VNN2: variants seen among roughly 807,000 people sequenced by gnomAD.
VNN2 encodes the protein vanin 2, also known as pantetheine hydrolase VNN2.
A neutral mutation model predicts 43.0 loss-of-function variants in VNN2; 43 were observed. The ratio of observed to expected loss-of-function variants is 1.00; its 90% CI spans 0.78 to 1.29. The LOEUF is 1.29. Ranked by LOEUF, VNN2 falls within the 50% of genes most tolerant of loss-of-function variation. VNN2 has a pLI of 0.00. For synonymous variants in VNN2, 230 were observed against 224.3 expected (o/e 1.03, Z -0.23); for missense variants, 652 against 619.7 (o/e 1.05, Z -0.55).
At chr6:132,758,019 TTC>T, upstream of VNN2, 1 of 227,846 alleles carries the variant, frequency 4.4e-6, no homozygotes, top group Non-Finnish European at 6.7e-6. Flanking sequence ...CTTCTTCTTC[TTC>T]TTCTTCTTCT....
At chr6:132,747,617 A>AAAT (rs1010636022) in intron 6 of VNN2, among the ~76,000 whole-genome samples, 3 of 152,164 alleles carry the variant, frequency 2.0e-5, no homozygotes, top group Non-Finnish European at 4.4e-5. Flanking sequence ...ACGCCATCTC[A>AAAT]AATAATAATA....
intron 6 of VNN2, among the ~76,000 whole-genome samples, chr6:132,745,849 A>G (rs1779684887): frequency 6.6e-6 from 1 of 152,254 alleles, no homozygotes; most frequent in South Asian, 2.1e-4. Context: ...CAAGAATAAA[A>G]GAAAATGAAC....
At chr6:132,758,882 A>AG (rs36058980), upstream of VNN2, among the ~76,000 whole-genome samples, 5,195 of 152,214 alleles carry the variant, frequency 0.034, 232 homozygotes, top group Admixed American at 0.12. Flanking sequence ...ATCTCAGCTC[A>AG]GGGGCCCCAG....
rs369635580 is a variant in VNN2, at chr6:132,747,218, C to T, written c.1371+2477G>A. ...TTCACAGAATCATTAAAAGTTGAGA[C>T]CTACTGATACCATATTTACCCTAAT... On this transcript the variant is annotated intron_variant, in intron 6 of 6. Transcript: ENST00000326499. Among the ~76,000 whole-genome samples, 12 of 152,232 alleles carry T rather than the reference C, an allele frequency of 7.9e-5. 1 individual carries two copies. The highest frequency in any genetic ancestry group is 5.9e-4 in the Admixed American group (9 of 15,298).
chr6:132,747,421 A>C (rs1213765532), intron 6 of VNN2, among the ~76,000 whole-genome samples: 1 of 152,138 alleles, frequency 6.6e-6, no homozygotes, highest in African/African-American at 2.4e-5. Context: ...GTTCGAGACC[A>C]GCCTGGCCAA....
chr6:132,758,043 T>TC (rs374005582), upstream of VNN2: 282 of 358,226 alleles, frequency 7.9e-4, no homozygotes, highest in African/African-American at 4.6e-3. Context: ...CTTCTTCTTT[T>TC]TTTTTTTTTT....
intron 5 of VNN2, 77 bp from the exon 6 acceptor site, chr6:132,749,942 T>A: frequency 7.5e-7 from 1 of 1,335,168 alleles, no homozygotes; most frequent in Non-Finnish European, 1.0e-6. Flanking sequence ...CCTTAGTTTT[T>A]AACTACAGCG....
At chr6:132,756,089 T>A in intron 2 of VNN2, 54 bp from the exon 3 acceptor site, 1 of 1,449,876 alleles carries the variant, frequency 6.9e-7, no homozygotes, top group African/African-American at 1.4e-5. Flanking sequence ...TTTTAGTCAC[T>A]TTATATGGAA....
chr6:132,755,812 T>G (rs754954905), intron 3 of VNN2, 31 bp downstream of exon 3: 11 of 1,579,458 alleles, frequency 7.0e-6, no homozygotes, highest in Non-Finnish European at 7.8e-6. Flanking sequence ...CACAACACGC[T>G]CCATTTTACA....
Position 132,752,535 on chromosome 6 carries a change from T to A in VNN2, c.752A>T (p.His251Leu). Residue 251 changes from histidine (H) to leucine (L), a missense_variant, in exon 4 of 7, where the codon CAT (histidine) becomes CTT (leucine). By Grantham distance (99) the His-to-Leu change is moderately conservative. Transcript: ENST00000326499. ...TCCCATTCCCATTGCCCAAGCTGAA[T>A]GGAATTCAATAGCTGTCAAAAGGGG... ...VLPLLTAIEF[H>L]SAWAMGMGVN... 6.2e-7 allele frequency: 1 copy of A among 1,614,144 alleles called. No individual in the cohort carries two copies. Among genetic ancestry groups the A allele is most frequent in the Non-Finnish European group, 8.5e-7 (1 of 1,180,026 alleles).
Position 132,752,651 on chromosome 6 carries a change from A to T in VNN2, c.636T>A (p.Phe212Leu). The T allele has an allele frequency of 6.2e-7, 1 of 1,614,190 alleles. No homozygotes were observed. The highest frequency in any genetic ancestry group is 1.1e-5 in the South Asian group (1 of 91,086). Residue 212 changes from phenylalanine (F) to leucine (L), a missense_variant, in exon 4 of 7, where the codon TTT becomes TTA. Phe to Leu is a conservative substitution (Grantham distance 22, BLOSUM62 0). Transcript: ENST00000326499. Reference protein sequence around the residue: ...AFGRFGIFTCFDIFFYDPGVT... With the variant: ...AFGRFGIFTCLDIFFYDPGVT... ...CACCAGGATCATAGAAGAATATATCAAAGCACGTGAAAATGCCAAACCTTC... is the reference window on the plus strand; with the variant it reads ...CACCAGGATCATAGAAGAATATATCTAAGCACGTGAAAATGCCAAACCTTC...
chr6:132,761,992 C>T (rs940691378), upstream of VNN2, among the ~76,000 whole-genome samples: 2 of 152,120 alleles, frequency 1.3e-5, no homozygotes, highest in Non-Finnish European at 2.9e-5. Flanking sequence ...AATATAATAT[C>T]CTGACTGCTT....
In VNN2 at chr6:132,757,648, G is replaced by C. The variant is rs781414773; in HGVS notation, c.213+23C>G. ...CTCCCATGCCCCTCGTGTACATTATGATTAACAGAAATAAGAGAATACCTG... is the reference window on the plus strand; with the variant it reads ...CTCCCATGCCCCTCGTGTACATTATCATTAACAGAAATAAGAGAATACCTG... On this transcript the variant is annotated intron_variant, in intron 1 of 6. Transcript: ENST00000326499. 5.0e-6 allele frequency: 8 copies of C among 1,611,866 alleles called. No homozygotes were observed. The East Asian group carries it at 1.8e-4, about 36-fold the overall frequency.
chr6:132,755,850 T>A lies in VNN2; in HGVS notation c.530A>T (p.Tyr177Phe). Residue 177 changes from tyrosine (Y) to phenylalanine (F), a missense_variant, in exon 3 of 7, where the codon TAC becomes TTC. Coordinates refer to ENST00000326499, the MANE Select transcript of VNN2 (RefSeq NM_004665.6). ...TCCGTCACTCTCTCTTACCTTATGG[T>A]AACGTGCCACGAGTTTTCCTTCTGT... ...YNTEGKLVAR[Y>F]HKYHLYSEPQ... is the part of the protein sequence containing the mutation. 1 of 1,611,590 alleles carries A rather than the reference T, an allele frequency of 6.2e-7. No homozygotes were observed. The highest frequency in any genetic ancestry group is 8.5e-7 in the Non-Finnish European group (1 of 1,178,494).
chr6:132,762,491 G>A (rs544212911), upstream of VNN2, among the ~76,000 whole-genome samples: 2 of 152,090 alleles, frequency 1.3e-5, no homozygotes, highest in Non-Finnish European at 2.9e-5. Flanking sequence ...GTACTTAATG[G>A]CAAAGAAAAA....
At chr6:132,748,267 G>T (rs1779840424) in intron 6 of VNN2, among the ~76,000 whole-genome samples, 1 of 152,134 alleles carries the variant, frequency 6.6e-6, no homozygotes, top group African/African-American at 2.4e-5. Flanking sequence ...ATTTAATCAT[G>T]ATTTTCTGTA....
intron 5 of VNN2, 132 bp downstream of exon 5, chr6:132,751,013 G>C: frequency 1.4e-6 from 1 of 714,780 alleles, no homozygotes; most frequent in East Asian, 3.3e-5. Context: ...TGTGTGTGTT[G>C]TGTGTGTGTG....
upstream of VNN2, among the ~76,000 whole-genome samples, chr6:132,759,156 G>C (rs922699480): frequency 6.6e-6 from 1 of 152,080 alleles, no homozygotes; most frequent in African/African-American, 2.4e-5. Context: ...ATGCTAACAG[G>C]CCAGGTGCAG....
rs567139324 is a variant in VNN2, at chr6:132,749,832, A to T, written c.1234T>A (p.Leu412Met). ...TCTACTGGCCGTCCACAAGTTGTCAAATTAGTAGTTTTGCACTTCAGCAGT... is the reference window on the plus strand; with the variant it reads ...TCTACTGGCCGTCCACAAGTTGTCATATTAGTAGTTTTGCACTTCAGCAGT... ...CTLLKCKTTNLTTCGRPVETA... is the reference protein window; with the variant it reads ...CTLLKCKTTNMTTCGRPVETA... The change falls in exon 6 of 7, where the codon TTG (leucine) becomes ATG (methionine). Residue 412 changes from leucine to methionine, a missense_variant. Leu to Met is a conservative substitution (Grantham distance 15, BLOSUM62 2). Transcript: ENST00000326499. 3.7e-6 allele frequency: 6 copies of T among 1,613,962 alleles called. No individual in the cohort carries two copies. In the Admixed American group the frequency reaches 6.7e-5, roughly 18 times the overall value.
Sources: allele counts gnomAD v4.1 joint callset (sites outside exome capture counted in the v4.1 genomes callset), GRCh38; gene constraint gnomAD v4.1.1; transcripts MANE v1.5; gene names NCBI Gene and HGNC (gene_info 2026-07-23, HGNC 2026-07-21).